NRXN1: variants seen among roughly 807,000 people sequenced by gnomAD.
The protein encoded by NRXN1 is neurexin 1.
In NRXN1, 39 loss-of-function variants were observed where a neutral mutation model predicts 150.9. The ratio of observed to expected loss-of-function variants is 0.26; its 90% confidence interval spans 0.20 to 0.34. The LOEUF is 0.34. Ranked by LOEUF, NRXN1 falls within the 10% of genes least tolerant of loss-of-function variation. The pLI, the probability that NRXN1 is intolerant of heterozygous loss-of-function variation, is 1.00. For missense variants in NRXN1, 1,815 were observed against 1,949.9 expected, an observed-to-expected ratio of 0.93 and a Z score of 1.30; for synonymous variants, 924 against 757.0, an observed-to-expected ratio of 1.22 and a Z score of -3.62.
At chr2:50,954,411 T>G (rs1461962381) in intron 2 of NRXN1, among the ~76,000 whole-genome samples, 1 of 152,114 alleles carries the variant, frequency 6.6e-6, no homozygotes. Flanking sequence ...GCTTAAAGAG[T>G]ATACTTCACT....
chr2:50,785,687 G>C (rs980980354), intron 5 of NRXN1, among the ~76,000 whole-genome samples: 4 of 152,140 alleles, frequency 2.6e-5, no homozygotes, highest in Non-Finnish European at 5.9e-5. Context: ...GAGAAAGTCT[G>C]AAGAAGCAGA....
chr2:50,799,523 T>G (rs1410828464), intron 5 of NRXN1, among the ~76,000 whole-genome samples: 2 of 152,182 alleles, frequency 1.3e-5, no homozygotes, highest in East Asian at 1.9e-4. Context: ...CAGCTTAGGA[T>G]TCTGCGACCT....
chr2:50,716,672 T>C (rs1695908824), intron 5 of NRXN1, among the ~76,000 whole-genome samples: 2 of 152,128 alleles, frequency 1.3e-5, no homozygotes, highest in African/African-American at 4.8e-5. Flanking sequence ...CATCTCAATG[T>C]AATGGAAAAG....
chr2:50,547,293 T>A (rs1474797793), intron 9 of NRXN1, among the ~76,000 whole-genome samples: 1 of 132,098 alleles, frequency 7.6e-6, no homozygotes, highest in Non-Finnish European at 1.5e-5. Context: ...GTAATGATGG[T>A]TTACAAAATA....
chr2:50,887,216 T>C (rs1296402516), intron 5 of NRXN1, among the ~76,000 whole-genome samples: 2 of 151,460 alleles, frequency 1.3e-5, no homozygotes, highest in East Asian at 1.9e-4. Context: ...AGTTCTGATG[T>C]TGAAAAAGAA....
At chr2:51,026,317 T>C (rs1203443923) in intron 2 of NRXN1, 4 of 1,166,000 alleles carry the variant, frequency 3.4e-6, no homozygotes, top group East Asian at 2.5e-5. Flanking sequence ...CTACTTTAAA[T>C]CCTGACATCT....
chr2:50,499,607 A>G (rs2091835924), intron 13 of NRXN1, among the ~76,000 whole-genome samples: 2 of 152,282 alleles, frequency 1.3e-5, no homozygotes, highest in African/African-American at 4.8e-5. Context: ...CTCTAAAGAC[A>G]CCAGCAACAT....
chr2:50,649,638 T>G (rs928901478), intron 5 of NRXN1, among the ~76,000 whole-genome samples: 8 of 152,128 alleles, frequency 5.3e-5, no homozygotes, highest in Middle Eastern at 3.4e-3. Flanking sequence ...CCTGAAGCCA[T>G]GTAAAATGGA....
In NRXN1 at chr2:50,051,030, C is replaced by T. The variant is rs565345827; in HGVS notation, c.4128+2241G>A. 3.0e-4 allele frequency among the ~76,000 whole-genome samples: 46 copies of T among 151,948 alleles called. No homozygotes were observed. In the South Asian group the frequency reaches 9.5e-3, roughly 32 times the overall value. On this transcript the variant is annotated intron_variant, in intron 21 of 22. Coordinates refer to ENST00000401669, the MANE Select transcript of NRXN1 (RefSeq NM_001330078.2). ...TTAAGTCAATATCTCCTCAAATGAA[C>T]CAAGTATTCACTAATTAATTAGATC...
chr2:50,587,611 T>G (rs959726122), intron 8 of NRXN1, among the ~76,000 whole-genome samples: 1 of 152,338 alleles, frequency 6.6e-6, no homozygotes, highest in East Asian at 1.9e-4. Flanking sequence ...TTCTGAATTA[T>G]AGTTATTTGG....
At chr2:50,520,601 TAGG>T (rs2092759531) in intron 12 of NRXN1, among the ~76,000 whole-genome samples, 1 of 151,942 alleles carries the variant, frequency 6.6e-6, no homozygotes, top group South Asian at 2.1e-4. Flanking sequence ...TCAAAAAAAA[TAGG>T]AGATGCTGAT....
chr2:50,153,817 T>C (rs2058847811), intron 18 of NRXN1, among the ~76,000 whole-genome samples: 2 of 151,714 alleles, frequency 1.3e-5, no homozygotes, highest in African/African-American at 4.8e-5. Context: ...GGTGAAATGA[T>C]GAGTCCCCAC....
intron 21 of NRXN1, among the ~76,000 whole-genome samples, chr2:50,009,180 C>T (rs1685245736): frequency 6.6e-6 from 1 of 152,004 alleles, no homozygotes; most frequent in Admixed American, 6.6e-5. Flanking sequence ...TAGACTTTAC[C>T]ATGGCTATGG....
chr2:50,346,627 G>A lies in NRXN1; in HGVS notation c.3365-109657C>T. 1.9e-6 allele frequency: 3 copies of A among 1,546,812 alleles called. No individual in the cohort carries two copies. The highest frequency in any genetic ancestry group is 2.2e-5 in the South Asian group (2 of 89,670). Reference sequence around the variant, plus strand: ...CTCTGAGCCTTAGGAGCCCAGGAGCGAGTGCAGGGTAGAAAGAGGGGAGCG... The same window carrying A: ...CTCTGAGCCTTAGGAGCCCAGGAGCAAGTGCAGGGTAGAAAGAGGGGAGCG... On this transcript the variant is annotated intron_variant, in intron 17 of 22. Coordinates refer to ENST00000401669, the MANE Select transcript of NRXN1 (RefSeq NM_001330078.2). This position sits in a 1 kb window ranked among gnomAD's most constrained non-coding sequence, Gnocchi z 5.0.
At chr2:50,682,354 G>C (rs974250321) in intron 5 of NRXN1, among the ~76,000 whole-genome samples, 13 of 152,088 alleles carry the variant, frequency 8.5e-5, no homozygotes. Context: ...AATTGGTCTT[G>C]TTTGAGTTTA....
rs139045520 is a variant in NRXN1 at position 50,864,176 on chromosome 2, G to T, written c.832+57693C>A. 3.4e-3 allele frequency among the ~76,000 whole-genome samples: 517 copies of T among 152,088 alleles called. 3 individuals carry two copies. Among genetic ancestry groups the T allele is most frequent in the African/African-American group, 0.011 (476 of 41,518 alleles). ...ACCTTTTCCTTTCACAGGGTATTTG[G>T]ATTCATGCATGCATTCATCCATTTA... is the stretch of plus-strand genomic sequence containing the variant. On this transcript the variant is annotated intron_variant, in intron 5 of 22. Transcript: ENST00000401669.
chr2:50,018,587 G>T (rs1324724262), intron 21 of NRXN1, among the ~76,000 whole-genome samples: 1 of 151,974 alleles, frequency 6.6e-6, no homozygotes, highest in Non-Finnish European at 1.5e-5. Context: ...ACATCTTTTT[G>T]GGAAAAGAAG....
intron 15 of NRXN1, among the ~76,000 whole-genome samples, chr2:50,477,581 C>T (rs2090093320): frequency 6.6e-6 from 1 of 152,198 alleles, no homozygotes; most frequent in Admixed American, 6.5e-5. Context: ...TAGCAGAATG[C>T]AAGTGTCAAG....
chr2:49,990,861 C>T (rs1279488612), intron 21 of NRXN1, among the ~76,000 whole-genome samples: 2 of 152,080 alleles, frequency 1.3e-5, no homozygotes, highest in Non-Finnish European at 2.9e-5. Flanking sequence ...TATTAATCTC[C>T]AGTTGGGGTT....
Sources: allele counts gnomAD v4.1 joint callset (sites outside exome capture counted in the v4.1 genomes callset), GRCh38; gene constraint gnomAD v4.1.1; non-coding constraint Gnocchi (gnomAD v3.1); transcripts MANE v1.5; gene names NCBI Gene and HGNC (gene_info 2026-07-23, HGNC 2026-07-21).